The following INKA2 variants were observed in gnomAD, a reference collection of about 807,000 sequenced individuals.
INKA2 encodes the protein PAK4-inhibitor INKA2.
INKA2 carries 3 observed loss-of-function variants against 9.8 expected under a neutral mutation model. The observed-to-expected ratio is 0.31, with a 90% CI of 0.14 to 0.79. The LOEUF is 0.79. INKA2 is among the 30% of genes least tolerant of loss of function. INKA2 has a pLI of 0.62. For missense variants in INKA2, 392 were observed against 384.4 expected (o/e 1.02, Z -0.17); for synonymous variants, 147 against 143.3 (o/e 1.03, Z -0.18).
intron 1 of INKA2, chr1:111,745,265 T>TTTTA (rs1553232613): frequency 3.5e-4 from 16 of 45,104 alleles, no homozygotes; most frequent in South Asian, 2.9e-3. Context: ...CACAGAGATA[T>TTTTA]TATATATATA....
At chr1:111,749,443 TGTGCGC>T (rs138377215) in intron 1 of INKA2, among the ~76,000 whole-genome samples, 11,596 of 145,520 alleles carry the variant, frequency 0.08, 595 homozygotes, top group Non-Finnish European at 0.11. Flanking sequence ...TGTGTGTGTG[TGTGCGC>T]GCGCGCGCGT....
chr1:111,728,038 T>TACACACACAC (rs60867844), intron 1 of INKA2, among the ~76,000 whole-genome samples: 2,410 of 109,472 alleles, frequency 0.022, 42 homozygotes, highest in Middle Eastern at 0.035. Context: ...CCCCACCCCA[T>TACACACACAC]ACACACACAC....
rs749426814 is a variant in INKA2, at chr1:111,723,133, G to C, written c.*3835C>G. ...GCACCGGATGGGGAAGGCACCTGAG[G>C]TGGGTTCTGGCTGCTCTGGAGAAGG... On this transcript the variant is annotated 3_prime_UTR_variant, in exon 2 of 2. Coordinates refer to ENST00000357260, the MANE Select transcript of INKA2 (RefSeq NM_019099.5). 1 of 698,980 alleles carries C rather than the reference G, an allele frequency of 1.4e-6. No individual in the cohort carries two copies. Among genetic ancestry groups the C allele is most frequent in the Non-Finnish European group, 2.6e-6 (1 of 383,148 alleles). The allele number at this position is 698,980 out of a possible 1,614,324, so 43.3% of individuals were successfully genotyped here.
rs1388215088 is a variant in INKA2 at position 111,726,430 on chromosome 1, C to T, written c.*538G>A. On this transcript the variant is annotated 3_prime_UTR_variant, in exon 2 of 2. Transcript: ENST00000357260. ...TAGCAGGTCGGGTTTTGCCTCACTG[C>T]TGCTCCAGTCCCAGGAGGCCTGGGG... 9.0e-6 allele frequency: 2 copies of T among 222,624 alleles called. No individual in the cohort carries two copies. The highest frequency in any genetic ancestry group is 4.6e-5 in the African/African-American group (2 of 43,884). 13.8% of individuals were successfully genotyped at this position (222,624 alleles called of 1,614,324 possible).
upstream of INKA2, chr1:111,739,923 C>A (rs1316103990): frequency 6.6e-6 from 1 of 151,884 alleles, no homozygotes; most frequent in African/African-American, 2.4e-5. Context: ...GGAGCAGAGA[C>A]GCCGCCGCTT....
Position 111,726,725 on chromosome 1 carries a change from ACACACG to A in INKA2, c.*237_*242del. The A allele has an allele frequency of 1.8e-6, 1 of 558,406 alleles. No individual in the cohort carries two copies. The allele number at this position is 558,406 out of a possible 1,614,324, so 34.6% of individuals were successfully genotyped here. The stretch of plus-strand genomic sequence containing the variant: ...GACACACACATGCACACACACACAC[ACACACG>A]CACAGCTCACTCTCCAGCTACTCTT... On this transcript the variant is annotated 3_prime_UTR_variant, in exon 2 of 2. Transcript: ENST00000357260.
At position 111,727,675 on chromosome 1, in the gene INKA2, C is replaced by T; in HGVS notation, c.187G>A (p.Val63Met). The part of the protein sequence containing the change: ...EQLEISGGGP[V>M]PGSPEGPRTQ... ...CTGGGACCTTCAGGGCTGCCTGGCA[C>T]AGGACCCCCTCCAGAGATCTCCAGC... The change falls in exon 2 of 2, where the codon GTG (valine) becomes ATG (methionine). Residue 63 changes from valine to methionine, a missense_variant. Physicochemically the swap from Val to Met is conservative, Grantham distance 21. Coordinates refer to ENST00000357260, the MANE Select transcript of INKA2 (RefSeq NM_019099.5). 1.2e-6 allele frequency: 2 copies of T among 1,612,010 alleles called. No homozygotes were observed. Among genetic ancestry groups the T allele is most frequent in the Admixed American group, 1.7e-5 (1 of 59,854 alleles).
chr1:111,736,444 CAG>C (rs1481010420), intron 1 of INKA2, among the ~76,000 whole-genome samples: 1 of 152,188 alleles, frequency 6.6e-6, no homozygotes, highest in Non-Finnish European at 1.5e-5. Flanking sequence ...GGGCCAAGGA[CAG>C]GGGTAGGATG....
intron 1 of INKA2, among the ~76,000 whole-genome samples, chr1:111,738,863 G>C (rs1663069290): frequency 6.6e-6 from 1 of 152,174 alleles, no homozygotes; most frequent in African/African-American, 2.4e-5. Flanking sequence ...GGGCCCCACT[G>C]CGTCCGTGTG....
In INKA2 at chr1:111,739,272, G is replaced by A; in HGVS notation, c.-30C>T. On this transcript the variant is annotated 5_prime_UTR_variant, in exon 1 of 2. Transcript: ENST00000357260. ...CCATTTGTCGGGTTCGGTTCAAACAGAGAGGGCCCGGGTGAAACCCCGGCC... is the reference window on the plus strand; with the variant it reads ...CCATTTGTCGGGTTCGGTTCAAACAAAGAGGGCCCGGGTGAAACCCCGGCC... 1 of 1,613,266 alleles carries A rather than the reference G, an allele frequency of 6.2e-7. No homozygotes were observed. Among genetic ancestry groups the A allele is most frequent in the Non-Finnish European group, 8.5e-7 (1 of 1,179,612 alleles).
chr1:111,733,307 C>T (rs780591992), intron 1 of INKA2, among the ~76,000 whole-genome samples: 3 of 152,168 alleles, frequency 2.0e-5, no homozygotes, highest in African/African-American at 4.8e-5. Flanking sequence ...CCTGGAGTAT[C>T]GCCTCCATCA....
chr1:111,727,206 C>T lies in INKA2; in HGVS notation c.656G>A (p.Arg219Gln), dbSNP rs199796927. 4.6e-5 allele frequency: 75 copies of T among 1,614,130 alleles called. No individual in the cohort carries two copies. Among genetic ancestry groups the T allele is most frequent in the Non-Finnish European group, 5.8e-5 (68 of 1,180,062 alleles). The change falls in exon 2 of 2, where the codon CGG (arginine) becomes CAG (glutamine). Residue 219 changes from arginine to glutamine, a missense_variant. Transcript: ENST00000357260. ...NIFKKFLRSVRPDRDRLLKEK... is the reference protein window; with the variant it reads ...NIFKKFLRSVQPDRDRLLKEK... The stretch of plus-strand genomic sequence containing the variant: ...CTTCAGCAGCCGGTCACGGTCAGGC[C>T]GCACACTACGCAAGAACTTCTTAAA...
Position 111,723,110 on chromosome 1 carries a change from A to C in INKA2, c.*3858T>G, listed in dbSNP as rs1218967695. 1.4e-6 allele frequency: 1 copy of C among 700,708 alleles called. No homozygotes were observed. Among genetic ancestry groups the C allele is most frequent in the African/African-American group, 1.8e-5 (1 of 57,082 alleles). The allele number at this position is 700,708 out of a possible 1,614,324, so 43.4% of individuals were successfully genotyped here. ...GTGCTGGCAGAAGTGCCTTAACTGC[A>C]CCGGATGGGGAAGGCACCTGAGGTG... On this transcript the variant is annotated 3_prime_UTR_variant, in exon 2 of 2. Transcript: ENST00000357260.
intron 1 of INKA2, among the ~76,000 whole-genome samples, chr1:111,732,568 TACACACACACACAC>T (rs3085876): frequency 7.0e-6 from 1 of 142,864 alleles, no homozygotes; most frequent in Admixed American, 7.0e-5. Flanking sequence ...CTCTCTCTGT[TACACACACACACAC>T]ACACACACAC....
At chr1:111,752,676 T>C (rs1339908261) in intron 1 of INKA2, among the ~76,000 whole-genome samples, 1 of 152,058 alleles carries the variant, frequency 6.6e-6, no homozygotes, top group Non-Finnish European at 1.5e-5. Flanking sequence ...ATGCCTTCCT[T>C]TATACTGTTT....
rs547854336 is a variant in INKA2, at chr1:111,737,122, C to T, written c.57+2064G>A. 8.5e-5 allele frequency among the ~76,000 whole-genome samples: 13 copies of T among 152,312 alleles called. No individual in the cohort carries two copies. The South Asian group carries it at 2.7e-3, about 32-fold the overall frequency. On this transcript the variant is annotated intron_variant, in intron 1 of 1. Coordinates refer to ENST00000357260, the MANE Select transcript of INKA2 (RefSeq NM_019099.5). ...TCTGGGATCCAGGCCAGGCATTCGG[C>T]TTCCTCTCCAAGAGAGTCAAAGGCT...
At chr1:111,740,710 C>T (rs1557913643), upstream of INKA2, among the ~76,000 whole-genome samples, 1 of 152,092 alleles carries the variant, frequency 6.6e-6, no homozygotes. Context: ...GGGTGGCGCA[C>T]GCCTGTAATC....
At chr1:111,733,303 G>GTA (rs1662950990) in intron 1 of INKA2, among the ~76,000 whole-genome samples, 1 of 152,188 alleles carries the variant, frequency 6.6e-6, no homozygotes, top group Non-Finnish European at 1.5e-5. Context: ...CTTTCCTGGA[G>GTA]TATCGCCTCC....
intron 1 of INKA2, among the ~76,000 whole-genome samples, chr1:111,734,359 C>T (rs1358660807): frequency 6.6e-6 from 1 of 152,208 alleles, no homozygotes; most frequent in Admixed American, 6.5e-5. Flanking sequence ...AGTCAATCAA[C>T]TTCCTCGAAC....
Sources: gnomAD v4.1 joint callset for allele counts (sites outside exome capture counted in the v4.1 genomes callset) on GRCh38, gnomAD v4.1.1 for gene constraint, MANE v1.5 for transcripts, NCBI Gene and HGNC (gene_info 2026-07-23, HGNC 2026-07-21) for gene names.